Variants in PCDHGB2 observed in about 807,000 individuals in gnomAD.
PCDHGB2 encodes protocadherin gamma subfamily B, 2.
A neutral mutation model predicts 59.3 loss-of-function variants in PCDHGB2; 55 were observed. The ratio of observed to expected loss-of-function variants is 0.93; its 90% CI spans 0.75 to 1.16. The LOEUF is 1.16. PCDHGB2 is among the 50% of genes most tolerant of loss of function. The pLI, the probability that PCDHGB2 is intolerant of heterozygous loss-of-function variation, is 0.00. For synonymous variants in PCDHGB2, 516 were observed against 512.0 expected, an observed-to-expected ratio of 1.01 and a Z score of -0.11; for missense variants, 1,228 against 1,198.5, an observed-to-expected ratio of 1.02 and a Z score of -0.36.
chr5:141,383,077 G>A (rs1415482680), intron 1 of PCDHGB2: 2 of 1,613,774 alleles, frequency 1.2e-6, no homozygotes, highest in African/African-American at 2.7e-5. Flanking sequence ...CCGGGAGCTG[G>A]CGGAGCGCGG....
intron 1 of PCDHGB2, among the ~76,000 whole-genome samples, chr5:141,483,755 G>A (rs2099586573): frequency 6.6e-6 from 1 of 152,130 alleles, no homozygotes. Flanking sequence ...TGAGGATCGA[G>A]GCTTGGAAAA....
At chr5:141,408,115 C>T (rs2095044760) in intron 1 of PCDHGB2, 1 of 1,461,312 alleles carries the variant, frequency 6.8e-7, no homozygotes, top group Non-Finnish European at 9.1e-7. Context: ...GGGACTCCTC[C>T]TGTCCTGGGC....
Position 141,493,435 on chromosome 5 carries a change from G to T in PCDHGB2, c.2422-1372G>T, listed in dbSNP as rs150678406. On this transcript the variant is annotated intron_variant, in intron 1 of 3. Coordinates refer to ENST00000522605, the MANE Select transcript of PCDHGB2 (RefSeq NM_018923.3). The surrounding 1 kb of genome is among the most constrained non-coding windows in gnomAD (Gnocchi z 4.3). ...TGGGATTTTGCTTCTGCTGGGATGG[G>T]GCAAGGGTGGGGTTCCTTCCCTTTT... Among the ~76,000 whole-genome samples the T allele has an allele frequency of 6.6e-5, 10 of 152,294 alleles. No individual in the cohort carries two copies. In the East Asian group the frequency reaches 1.7e-3, roughly 26 times the overall value.
chr5:141,389,378 G>A (rs574837458), intron 1 of PCDHGB2: 4 of 1,613,766 alleles, frequency 2.5e-6, no homozygotes, highest in African/African-American at 2.7e-5. Flanking sequence ...AGCAGCGGGA[G>A]CTGTCATCCT....
chr5:141,489,990 A>G lies in PCDHGB2; in HGVS notation c.2422-4817A>G. ...TCCAATCCTCAGTTCTACGTGTGGG[A>G]ATCCCAGAGAATGCACCCATTGGTA... is the stretch of plus-strand genomic sequence containing the variant. On this transcript the variant is annotated intron_variant, in intron 1 of 3. Transcript: ENST00000522605. This position sits in a 1 kb window ranked among gnomAD's most constrained non-coding sequence, Gnocchi z 4.5. 6.2e-7 allele frequency: 1 copy of G among 1,614,256 alleles called. No individual in the cohort carries two copies. Among genetic ancestry groups the G allele is most frequent in the Non-Finnish European group, 8.5e-7 (1 of 1,180,030 alleles).
intron 1 of PCDHGB2, chr5:141,377,847 A>G (rs1774398188): frequency 6.6e-6 from 1 of 152,152 alleles, no homozygotes; most frequent in Non-Finnish European, 1.5e-5. Flanking sequence ...TCTTCCAATT[A>G]AAATTAAGAT....
rs201391904 is a variant in PCDHGB2, at chr5:141,494,843, G to A, written c.2458G>A (p.Ala820Thr). Residue 820 changes from alanine to threonine, a missense_variant, in exon 2 of 4, where the codon GCC becomes ACC. Transcript: ENST00000522605. ...PPNTDWRFSQ[A>T]QRPGTSGSQN... is the part of the protein sequence containing the mutation. ...CAACACGGACTGGCGTTTCTCTCAG[G>A]CCCAGAGACCCGGCACCAGCGGGTA... 1.9e-6 allele frequency: 3 copies of A among 1,614,088 alleles called. No homozygotes were observed. Among genetic ancestry groups the A allele is most frequent in the Admixed American group, 3.3e-5 (2 of 60,008 alleles).
intron 1 of PCDHGB2, chr5:141,371,345 T>C (rs1417902000): frequency 1.2e-6 from 2 of 1,613,878 alleles, no homozygotes; most frequent in Admixed American, 1.7e-5. Flanking sequence ...GCTACACAAT[T>C]GGGGTGGAAG....
At chr5:141,416,132 A>G (rs939839074) in intron 1 of PCDHGB2, 1 of 153,964 alleles carries the variant, frequency 6.5e-6, no homozygotes, top group Non-Finnish European at 1.4e-5. Flanking sequence ...ATATTTTTCA[A>G]TCTATACTTT....
intron 1 of PCDHGB2, chr5:141,394,616 C>T (rs2093043198): frequency 1.2e-6 from 2 of 1,613,490 alleles, no homozygotes; most frequent in East Asian, 2.2e-5. Flanking sequence ...CGGGCCAGAA[C>T]GCCTGGCTGT....
intron 1 of PCDHGB2, chr5:141,375,524 G>T: frequency 6.2e-7 from 1 of 1,613,986 alleles, no homozygotes; most frequent in Admixed American, 1.7e-5. Flanking sequence ...GGACCCTGAC[G>T]TGGACCAGAA....
rs745712262 is a variant in PCDHGB2 at position 141,362,463 on chromosome 5, C to T, written c.2328C>T (p.Pro776=). The T allele has an allele frequency of 8.1e-6, 13 of 1,613,916 alleles. No individual in the cohort carries two copies. The highest frequency in any genetic ancestry group is 1.3e-5 in the African/African-American group (1 of 74,938). ...NFLNITPELV[P]AQDLVCDNAS... Reference sequence around the variant, plus strand: ...TGAACATAACCCCGGAATTGGTTCCCGCGCAAGATCTCGTCTGTGACAATG... The same window carrying T: ...TGAACATAACCCCGGAATTGGTTCCTGCGCAAGATCTCGTCTGTGACAATG... Residue 776 remains proline, a synonymous_variant, in exon 1 of 4, where the codon CCC becomes CCT. Transcript: ENST00000522605.
chr5:141,483,530 GC>G (rs1384645281), intron 1 of PCDHGB2, among the ~76,000 whole-genome samples: 2 of 152,158 alleles, frequency 1.3e-5, no homozygotes, highest in African/African-American at 4.8e-5. Flanking sequence ...GACTAAGGAA[GC>G]TGGGTGGTTG....
chr5:141,428,116 A>G, intron 1 of PCDHGB2: 1 of 1,607,216 alleles, frequency 6.2e-7, no homozygotes, highest in Non-Finnish European at 8.5e-7. Flanking sequence ...CAGGCCATCG[A>G]GCCCGGGCTT....
At chr5:141,495,213 C>T (rs568314100) in intron 2 of PCDHGB2, among the ~76,000 whole-genome samples, 1 of 152,326 alleles carries the variant, frequency 6.6e-6, no homozygotes, top group South Asian at 2.1e-4. Flanking sequence ...AACCCCCTCC[C>T]CTGAGTTGAG....
At chr5:141,470,015 G>C (rs999085849) in intron 1 of PCDHGB2, among the ~76,000 whole-genome samples, 1 of 152,130 alleles carries the variant, frequency 6.6e-6, no homozygotes, top group Non-Finnish European at 1.5e-5. Context: ...TGTAATCCCA[G>C]CTACTCGGGA....
chr5:141,418,862 G>C (rs749632113), intron 1 of PCDHGB2: 1 of 1,613,994 alleles, frequency 6.2e-7, no homozygotes, highest in Non-Finnish European at 8.5e-7. Context: ...TAAAGTAATT[G>C]TAGAAGTTGT....
rs574920194 is a variant in PCDHGB2 at position 141,364,921 on chromosome 5, A to C, written c.2421+2365A>C. ...AAAAGTATCCGGAGCTGGTGTTGGA[A>C]CAGCCCCTAGACCGCGAGAAAGAGA... On this transcript the variant is annotated intron_variant, in intron 1 of 3. Coordinates refer to ENST00000522605, the MANE Select transcript of PCDHGB2 (RefSeq NM_018923.3). 2.2e-5 allele frequency: 36 copies of C among 1,613,954 alleles called. No individual in the cohort carries two copies. In the African/African-American group the frequency reaches 3.6e-4, roughly 16 times the overall value.
At chr5:141,434,364 A>G (rs1023051594) in intron 1 of PCDHGB2, among the ~76,000 whole-genome samples, 1 of 152,208 alleles carries the variant, frequency 6.6e-6, no homozygotes, top group Non-Finnish European at 1.5e-5. Context: ...AAATCTGGCC[A>G]TAAACTGGCC....
Sources: allele counts gnomAD v4.1 joint callset (sites outside exome capture counted in the v4.1 genomes callset), GRCh38; gene constraint gnomAD v4.1.1; non-coding constraint Gnocchi (gnomAD v3.1); transcripts MANE v1.5; gene names NCBI Gene and HGNC (gene_info 2026-07-23, HGNC 2026-07-21).